Variants in NME7 observed in about 807,000 individuals in gnomAD.
NME7 encodes nucleoside diphosphate kinase 7.
NME7 carries 41 observed loss-of-function variants against 49.1 expected under a neutral mutation model. The ratio of observed to expected loss-of-function variants is 0.83; its 90% CI spans 0.65 to 1.08. NME7 has a LOEUF of 1.08. Among genes scored for constraint, NME7 ranks in the 50% least tolerant of loss-of-function variants. The pLI, the probability that NME7 is intolerant of heterozygous loss-of-function variation, is 0.00. For missense variants in NME7, 423 were observed against 463.4 expected, an observed-to-expected ratio of 0.91 and a Z score of 0.80; for synonymous variants, 139 against 150.6, an observed-to-expected ratio of 0.92 and a Z score of 0.56.
chr1:169,313,648 C>A (rs1410276528), intron 3 of NME7, among the ~76,000 whole-genome samples: 3 of 151,918 alleles, frequency 2.0e-5, no homozygotes, highest in African/African-American at 4.8e-5. Flanking sequence ...ACACACATGG[C>A]AATCATATAG....
chr1:169,193,061 C>T (rs990141011), intron 10 of NME7, among the ~76,000 whole-genome samples: 7 of 151,920 alleles, frequency 4.6e-5, no homozygotes, highest in Admixed American at 2.6e-4. Flanking sequence ...CCTGTAATCC[C>T]AACATTTTGG....
At chr1:169,267,306 A>G (rs1372147235) in intron 7 of NME7, among the ~76,000 whole-genome samples, 1 of 133,892 alleles carries the variant, frequency 7.5e-6, no homozygotes, top group Admixed American at 7.3e-5. Flanking sequence ...ATGCTCTTAG[A>G]TGGGAAGAAT....
intron 7 of NME7, among the ~76,000 whole-genome samples, chr1:169,263,276 A>G (rs546593514): frequency 1.5e-5 from 2 of 134,230 alleles, no homozygotes; most frequent in East Asian, 4.0e-4. Flanking sequence ...AATGACAGAA[A>G]CAGAATTCAG....
intron 10 of NME7, among the ~76,000 whole-genome samples, chr1:169,172,037 A>T (rs1163462190): frequency 6.6e-6 from 1 of 152,060 alleles, no homozygotes; most frequent in African/African-American, 2.4e-5. Flanking sequence ...CAATGTAAGC[A>T]AGCAAATGTG....
Position 169,308,242 on chromosome 1 carries a change from T to C in NME7, c.389+1728A>G, listed in dbSNP as rs535116616. On this transcript the variant is annotated intron_variant, in intron 4 of 11. Coordinates refer to ENST00000367811, the MANE Select transcript of NME7 (RefSeq NM_013330.5). ...GTCATTGTCAGGGTAAAATGGAGGG[T>C]TTTGTGTTAAAGTTTCTCGGAATCA... Among the ~76,000 whole-genome samples, 17 of 150,276 alleles carry C rather than the reference T, an allele frequency of 1.1e-4. No homozygotes were observed. The South Asian group carries it at 3.4e-3, about 30-fold the overall frequency.
chr1:169,211,643 TA>T, intron 10 of NME7, among the ~76,000 whole-genome samples: 2 of 152,238 alleles, frequency 1.3e-5, no homozygotes, highest in Admixed American at 1.3e-4. Flanking sequence ...AACAATATGA[TA>T]TAATGGTTAA....
At chr1:169,311,495 T>A (rs1484867907) in intron 3 of NME7, among the ~76,000 whole-genome samples, 1 of 151,382 alleles carries the variant, frequency 6.6e-6, no homozygotes, top group East Asian at 1.9e-4. Context: ...AAAACTGTAA[T>A]AACAAAAGAA....
intron 11 of NME7, among the ~76,000 whole-genome samples, chr1:169,161,271 G>C (rs1384448924): frequency 1.3e-5 from 2 of 152,154 alleles, no homozygotes; most frequent in Non-Finnish European, 2.9e-5. Flanking sequence ...AGAGAAAGCT[G>C]TTTGCTTTTG....
At chr1:169,140,831 G>A (rs1363326155) in intron 11 of NME7, among the ~76,000 whole-genome samples, 1 of 151,932 alleles carries the variant, frequency 6.6e-6, no homozygotes, top group Non-Finnish European at 1.5e-5. Flanking sequence ...TCACCCTATG[G>A]ATCTTTAAAG....
chr1:169,219,072 A>G (rs1476629547), intron 10 of NME7, among the ~76,000 whole-genome samples: 1 of 152,138 alleles, frequency 6.6e-6, no homozygotes, highest in East Asian at 1.9e-4. Flanking sequence ...TTGCCAAGCC[A>G]AATTTAACTC....
chr1:169,244,517 T>C, intron 7 of NME7, among the ~76,000 whole-genome samples: 1 of 150,840 alleles, frequency 6.6e-6, no homozygotes, highest in Non-Finnish European at 1.5e-5. Context: ...GTGCCAGTAG[T>C]CCCAGCTACT....
At chr1:169,230,555 T>A (rs548789838) in intron 10 of NME7, among the ~76,000 whole-genome samples, 163 bp downstream of exon 10, 1 of 152,340 alleles carries the variant, frequency 6.6e-6, no homozygotes, top group African/African-American at 2.4e-5. Flanking sequence ...TCTTGGAATG[T>A]TATGTAAAAA....
chr1:169,282,935 G>A (rs1650084740), intron 7 of NME7, among the ~76,000 whole-genome samples: 1 of 152,134 alleles, frequency 6.6e-6, no homozygotes, highest in Non-Finnish European at 1.5e-5. Flanking sequence ...GATTTGAGGT[G>A]GAGAGTTCTG....
intron 7 of NME7, among the ~76,000 whole-genome samples, chr1:169,282,650 C>T (rs1650073039): frequency 6.6e-6 from 1 of 152,068 alleles, no homozygotes; most frequent in African/African-American, 2.4e-5. Flanking sequence ...TATGATGTAT[C>T]TTCGTTCTCA....
At chr1:169,250,173 G>A (rs1228136782) in intron 7 of NME7, among the ~76,000 whole-genome samples, 2 of 151,670 alleles carry the variant, frequency 1.3e-5, no homozygotes, top group East Asian at 3.9e-4. Flanking sequence ...GTCTGTTCGG[G>A]GTTTCTATTT....
At chr1:169,330,072 C>T (rs1652198186) in intron 1 of NME7, among the ~76,000 whole-genome samples, 1 of 151,944 alleles carries the variant, frequency 6.6e-6, no homozygotes, top group Admixed American at 6.6e-5. Context: ...AAGACTGTTA[C>T]CCTATAATAG....
chr1:169,248,003 G>A (rs1648395736), intron 7 of NME7, among the ~76,000 whole-genome samples: 1 of 152,116 alleles, frequency 6.6e-6, no homozygotes, highest in Non-Finnish European at 1.5e-5. Context: ...ATACTGAGTA[G>A]TGGGATTGCT....
At chr1:169,181,134 T>TTATC (rs60560425) in intron 10 of NME7, among the ~76,000 whole-genome samples, 6,249 of 124,002 alleles carry the variant, frequency 0.05, 143 homozygotes, top group Admixed American at 0.062. Context: ...TCCTATCTAT[T>TTATC]TATCTATCTA....
In NME7 at chr1:169,267,999, C is replaced by A. The variant is rs555205871; in HGVS notation, c.754+19304G>T. On this transcript the variant is annotated intron_variant, in intron 7 of 11. Coordinates refer to ENST00000367811, the MANE Select transcript of NME7 (RefSeq NM_013330.5). ...AGAAACTATGAACAGAGTAAACAGA[C>A]AACCTACAGAATGAGAGAAAATATT... Among the ~76,000 whole-genome samples, 49 of 133,492 alleles carry A rather than the reference C, an allele frequency of 3.7e-4. 11 individuals are homozygous for A. The highest frequency in any genetic ancestry group is 8.3e-4 in the Non-Finnish European group (47 of 56,820). The allele number at this position is 133,492 out of a possible 152,430, so 87.6% of individuals were successfully genotyped here. A position where few individuals can be genotyped will look rare whatever the true frequency, so the allele number is the denominator to read the frequency against.
Sources: allele counts gnomAD v4.1 joint callset (sites outside exome capture counted in the v4.1 genomes callset), GRCh38; gene constraint gnomAD v4.1.1; transcripts MANE v1.5; gene names NCBI Gene and HGNC (gene_info 2026-07-23, HGNC 2026-07-21).